The following DNAJC1 variants were observed in gnomAD, a reference collection of about 807,000 sequenced individuals.
DNAJC1 encodes dnaJ homolog subfamily C member 1.
Under a neutral mutation model 76.6 loss-of-function variants are expected in DNAJC1, and 58 were observed. That is an observed-to-expected ratio of 0.76 (90% CI 0.61 to 0.94). The LOEUF (loss-of-function observed/expected upper bound fraction) is 0.94, where lower values mean the gene tolerates loss of function less well. Among genes scored for constraint, DNAJC1 ranks in the 40% least tolerant of loss-of-function variants. The pLI, the probability that DNAJC1 is intolerant of heterozygous loss-of-function variation, is 0.00. For synonymous variants in DNAJC1, 258 were observed against 267.9 expected (o/e 0.96, Z 0.36); for missense variants, 689 against 677.3 (o/e 1.02, Z -0.19).
chr10:21,806,185 T>G lies in DNAJC1; in HGVS notation c.979-86A>C. On this transcript the variant is annotated intron_variant, in intron 8 of 11. Transcript: ENST00000376980. ...AGAATAAAAAAAGATAATTGAGAGA[T>G]AATTGCTGTGAAGCAAATTATTGGC... 11 of 1,436,896 alleles carry G rather than the reference T, an allele frequency of 7.7e-6. No homozygotes were observed. The African/African-American group carries it at 1.0e-4, about 13-fold the overall frequency. The allele number at this position is 1,436,896 out of a possible 1,614,324, so 89.0% of individuals were successfully genotyped here.
intron 7 of DNAJC1, among the ~76,000 whole-genome samples, chr10:21,894,662 A>C (rs1836511869): frequency 1.3e-5 from 2 of 152,198 alleles, no homozygotes; most frequent in South Asian, 4.1e-4. Context: ...CACAAAGATA[A>C]TGCAAAAAGA....
At chr10:21,994,442 A>G (rs1357106300) in intron 1 of DNAJC1, among the ~76,000 whole-genome samples, 1 of 152,244 alleles carries the variant, frequency 6.6e-6, no homozygotes, top group Non-Finnish European at 1.5e-5. Flanking sequence ...ATAGAACTGC[A>G]CAACATGGCT....
intron 8 of DNAJC1, among the ~76,000 whole-genome samples, chr10:21,846,953 T>C (rs1835669917): frequency 6.6e-6 from 1 of 151,858 alleles, no homozygotes; most frequent in Non-Finnish European, 1.5e-5. Context: ...GAATCCTGCT[T>C]GAAGGTGTCA....
intron 1 of DNAJC1, among the ~76,000 whole-genome samples, chr10:21,960,218 C>T (rs551036610): frequency 1.8e-4 from 27 of 152,272 alleles, no homozygotes; most frequent in East Asian, 3.9e-4. Context: ...TAGTGGTTAT[C>T]TTAGGAATTA....
intron 1 of DNAJC1, chr10:21,933,528 T>G (rs1188734914): frequency 2.0e-5 from 3 of 152,050 alleles, no homozygotes; most frequent in Non-Finnish European, 4.4e-5. Flanking sequence ...CTCTAAGTTC[T>G]CACTTCTGGC....
chr10:21,785,045 TATA>T (rs1834587314), intron 9 of DNAJC1, among the ~76,000 whole-genome samples: 1 of 152,062 alleles, frequency 6.6e-6, no homozygotes, highest in East Asian at 1.9e-4. Context: ...GAACTTAAAA[TATA>T]ATAATAAAAG....
At chr10:21,905,760 T>A (rs1234352494) in intron 6 of DNAJC1, among the ~76,000 whole-genome samples, 1 of 152,126 alleles carries the variant, frequency 6.6e-6, no homozygotes, top group Non-Finnish European at 1.5e-5. Flanking sequence ...GACTGAAATA[T>A]GTGAGAAACC....
chr10:21,968,197 T>G (rs1837921459), intron 1 of DNAJC1, among the ~76,000 whole-genome samples: 1 of 152,210 alleles, frequency 6.6e-6, no homozygotes. Flanking sequence ...GTAAAAGGAT[T>G]AAACAAGTAA....
At chr10:21,870,431 C>T (rs529791459) in intron 8 of DNAJC1, among the ~76,000 whole-genome samples, 1 of 152,048 alleles carries the variant, frequency 6.6e-6, no homozygotes, top group African/African-American at 2.4e-5. Flanking sequence ...TTCTGAACTC[C>T]AGAAATTAAC....
chr10:21,896,159 T>C (rs564341077), intron 7 of DNAJC1, among the ~76,000 whole-genome samples: 16 of 152,124 alleles, frequency 1.1e-4, no homozygotes, highest in African/African-American at 3.1e-4. Context: ...AGTGGAGCAA[T>C]AGAAGTGGGG....
At chr10:21,916,832 A>G (rs1836963734) in intron 6 of DNAJC1, among the ~76,000 whole-genome samples, 1 of 152,156 alleles carries the variant, frequency 6.6e-6, no homozygotes, top group African/African-American at 2.4e-5. Flanking sequence ...TACTTTCTAA[A>G]GTATTATAAT....
intron 1 of DNAJC1, among the ~76,000 whole-genome samples, chr10:21,941,615 A>G (rs1837413103): frequency 6.6e-6 from 1 of 152,182 alleles, no homozygotes; most frequent in Non-Finnish European, 1.5e-5. Flanking sequence ...GGAATTCATT[A>G]AACTATTCTC....
intron 1 of DNAJC1, among the ~76,000 whole-genome samples, chr10:21,967,191 T>C (rs937328215): frequency 6.6e-6 from 1 of 152,208 alleles, no homozygotes; most frequent in Non-Finnish European, 1.5e-5. Flanking sequence ...CTATAATGTC[T>C]ATCTGCAGTC....
intron 1 of DNAJC1, among the ~76,000 whole-genome samples, chr10:21,972,707 G>T (rs543309043): frequency 6.6e-5 from 10 of 152,030 alleles, no homozygotes; most frequent in African/African-American, 2.2e-4. Flanking sequence ...TGATTAGGAG[G>T]TTACAGCCAT....
intron 8 of DNAJC1, among the ~76,000 whole-genome samples, chr10:21,813,429 C>T (rs1479754795): frequency 6.6e-5 from 10 of 150,822 alleles, no homozygotes; most frequent in Admixed American, 6.6e-4. Context: ...CACTCTGTCG[C>T]CCAGGCTGGA....
At chr10:21,941,076 TC>T (rs1837400698) in intron 1 of DNAJC1, among the ~76,000 whole-genome samples, 1 of 117,664 alleles carries the variant, frequency 8.5e-6, no homozygotes, top group Non-Finnish European at 1.7e-5. Flanking sequence ...ACGGTGAAAC[TC>T]CGTCTCTACT....
Position 21,995,435 on chromosome 10 carries a change from T to C in DNAJC1, c.222+7778A>G, listed in dbSNP as rs1838400678. Among the ~76,000 whole-genome samples the C allele has an allele frequency of 2.0e-5, 3 of 152,244 alleles. No individual in the cohort carries two copies. The South Asian group carries it at 6.2e-4, about 31-fold the overall frequency. On this transcript the variant is annotated intron_variant, in intron 1 of 11. Coordinates refer to ENST00000376980, the MANE Select transcript of DNAJC1 (RefSeq NM_022365.4). ...CAGGAGTTGTATGTATTCCAGAATG[T>C]GTTTAACCAAGGAAATTACGTCATT...
chr10:21,907,863 C>T (rs369389835), intron 6 of DNAJC1, among the ~76,000 whole-genome samples: 1 of 149,406 alleles, frequency 6.7e-6, no homozygotes, highest in African/African-American at 2.5e-5. Flanking sequence ...CTGTAATCCC[C>T]GCTACTCAGG....
chr10:21,956,559 A>G (rs1192818523), intron 1 of DNAJC1, among the ~76,000 whole-genome samples: 1 of 150,842 alleles, frequency 6.6e-6, no homozygotes, highest in Non-Finnish European at 1.5e-5. Context: ...ACATACATAT[A>G]TAAATACATA....
Sources: allele counts gnomAD v4.1 joint callset (sites outside exome capture counted in the v4.1 genomes callset), GRCh38; gene constraint gnomAD v4.1.1; transcripts MANE v1.5; gene names NCBI Gene and HGNC (gene_info 2026-07-23, HGNC 2026-07-21).